CFAP77: variants seen among roughly 807,000 people sequenced by gnomAD.
The protein encoded by CFAP77 is cilia and flagella associated protein 77.
CFAP77 carries 25 observed loss-of-function variants against 31.1 expected under a neutral mutation model. That is an observed-to-expected ratio of 0.80 (90% CI 0.59 to 1.12). The LOEUF is 1.12. Ranked by LOEUF, CFAP77 falls within the 50% of genes most tolerant of loss-of-function variation. The pLI is 0.00. For missense variants in CFAP77, 377 were observed against 397.3 expected, an observed-to-expected ratio of 0.95 and a Z score of 0.44; for synonymous variants, 151 against 159.9, an observed-to-expected ratio of 0.94 and a Z score of 0.42.
At position 132,495,495 on chromosome 9, in the gene CFAP77, C is replaced by T. The variant is rs113668143; in HGVS notation, c.196-3200C>T. 0.023 allele frequency among the ~76,000 whole-genome samples: 3,462 copies of T among 152,220 alleles called. 112 individuals carry two copies. Among genetic ancestry groups the T allele is most frequent in the African/African-American group, 0.08 (3,305 of 41,504 alleles). ...AGAGCTTTGTCTGTAACTCAGAGAGCATAGTATGGAAGGAATTCAAAACAA... is the reference window on the plus strand; with the variant it reads ...AGAGCTTTGTCTGTAACTCAGAGAGTATAGTATGGAAGGAATTCAAAACAA... On this transcript the variant is annotated intron_variant, in intron 1 of 5. Coordinates refer to ENST00000393216, the MANE Select transcript of CFAP77 (RefSeq NM_001282957.2). The surrounding 1 kb of genome is among the most constrained non-coding windows in gnomAD (Gnocchi z 4.2).
Position 132,499,279 on chromosome 9 carries a change from G to T in CFAP77, c.296-93G>T. ...AGGCTCAGGTAAATGGGAAGGCCGA[G>T]GACCCGCGTGCCCCCATTTCTTCTC... is the stretch of plus-strand genomic sequence containing the variant. On this transcript the variant is annotated intron_variant, in intron 2 of 5. Coordinates refer to ENST00000393216, the MANE Select transcript of CFAP77 (RefSeq NM_001282957.2). This position sits in a 1 kb window ranked among gnomAD's most constrained non-coding sequence, Gnocchi z 5.4. 2 of 1,128,416 alleles carry T rather than the reference G, an allele frequency of 1.8e-6. No homozygotes were observed. Among genetic ancestry groups the T allele is most frequent in the Non-Finnish European group, 2.6e-6 (2 of 775,554 alleles). 69.9% of individuals were successfully genotyped at this position (1,128,416 alleles called of 1,614,324 possible). A position where few individuals can be genotyped will look rare whatever the true frequency, so the allele number is the denominator to read the frequency against.
chr9:132,463,566 T>C (rs1249759252), intron 1 of CFAP77, among the ~76,000 whole-genome samples: 3 of 152,044 alleles, frequency 2.0e-5, no homozygotes. Flanking sequence ...TTACTCACAG[T>C]AGAGGAGGGA....
chr9:132,563,852 C>G (rs1227395951), intron 5 of CFAP77, among the ~76,000 whole-genome samples: 1 of 152,202 alleles, frequency 6.6e-6, no homozygotes, highest in Non-Finnish European at 1.5e-5. Context: ...TGATGATGCG[C>G]TGGGTTGAGC....
chr9:132,537,572 C>T (rs1249063507), intron 3 of CFAP77, 29 bp from the exon 4 acceptor site: 1 of 1,573,546 alleles, frequency 6.4e-7, no homozygotes, highest in Admixed American at 1.8e-5. Context: ...TCCGGGGCCT[C>T]AAGCTCTGTC....
intron 4 of CFAP77, 151 bp downstream of exon 4, chr9:132,537,857 A>C: frequency 1.6e-6 from 1 of 637,204 alleles, no homozygotes. Context: ...AGCATCAGAG[A>C]ATCTACAGCT....
chr9:132,471,693 T>TTTTGC (rs1851262247), intron 1 of CFAP77, among the ~76,000 whole-genome samples: 1 of 149,190 alleles, frequency 6.7e-6, no homozygotes, highest in Non-Finnish European at 1.5e-5. Flanking sequence ...GTTGTTTTTG[T>TTTTGC]TTTGTTTTGT....
Position 132,490,581 on chromosome 9 carries a change from G to T in CFAP77, c.196-8114G>T, listed in dbSNP as rs963538983. Among the ~76,000 whole-genome samples the T allele has an allele frequency of 1.3e-5, 2 of 152,192 alleles. No individual in the cohort carries two copies. Among genetic ancestry groups the T allele is most frequent in the Non-Finnish European group, 2.9e-5 (2 of 68,020 alleles). On this transcript the variant is annotated intron_variant, in intron 1 of 5. Coordinates refer to ENST00000393216, the MANE Select transcript of CFAP77 (RefSeq NM_001282957.2). The surrounding 1 kb of genome is among the most constrained non-coding windows in gnomAD (Gnocchi z 4.6). ...CTGGGGAGGGAGGCCAAGGGTCAGC[G>T]CTGGGCACTCCCACCTCTGGCTCCA...
chr9:132,494,486 C>T (rs1418843571), intron 1 of CFAP77, among the ~76,000 whole-genome samples: 1 of 152,146 alleles, frequency 6.6e-6, no homozygotes. Flanking sequence ...TTTTATCCAC[C>T]TACGATGGCC....
chr9:132,416,742 A>ATTC (rs1850108275), intron 1 of CFAP77, among the ~76,000 whole-genome samples: 1 of 149,984 alleles, frequency 6.7e-6, no homozygotes, highest in Admixed American at 6.7e-5. Context: ...GGTTCAAGTG[A>ATTC]TTCTCCTGCC....
intron 1 of CFAP77, among the ~76,000 whole-genome samples, chr9:132,420,666 C>T (rs372728214): frequency 7.8e-6 from 1 of 127,950 alleles, no homozygotes; most frequent in Non-Finnish European, 1.7e-5. Context: ...GACTCTGTCT[C>T]AAAAAAAAAA....
chr9:132,572,603 T>C lies in CFAP77; in HGVS notation c.*93T>C. Reference sequence around the variant, plus strand: ...TTGCCCCAACCCTGACATTCCCCCATTTTTATGCAGGTTCTGCTTCAAGGA... The same window carrying C: ...TTGCCCCAACCCTGACATTCCCCCACTTTTATGCAGGTTCTGCTTCAAGGA... On this transcript the variant is annotated 3_prime_UTR_variant, in exon 6 of 6. Coordinates refer to ENST00000393216, the MANE Select transcript of CFAP77 (RefSeq NM_001282957.2). 7.9e-7 allele frequency: 1 copy of C among 1,268,422 alleles called. No individual in the cohort carries two copies. Among genetic ancestry groups the C allele is most frequent in the Non-Finnish European group, 1.1e-6 (1 of 928,474 alleles). 78.6% of individuals were successfully genotyped at this position (1,268,422 alleles called of 1,614,324 possible). A position where few individuals can be genotyped will look rare whatever the true frequency, so the allele number is the denominator to read the frequency against.
chr9:132,562,933 C>T (rs773819728), intron 5 of CFAP77, among the ~76,000 whole-genome samples: 3 of 152,128 alleles, frequency 2.0e-5, no homozygotes, highest in East Asian at 1.9e-4. Flanking sequence ...CTCCTGACCT[C>T]GTGATCTGCC....
chr9:132,410,479 C>G lies in CFAP77; in HGVS notation c.195+13C>G, dbSNP rs569886357. ...TCTCATCGTCAAGGTGAGCACCCCA[C>G]GCCCACCGCGCTTTCGCTGTCGCCG... On this transcript the variant is annotated intron_variant, in intron 1 of 5. Coordinates refer to ENST00000393216, the MANE Select transcript of CFAP77 (RefSeq NM_001282957.2). The G allele has an allele frequency of 2.4e-5, 37 of 1,544,740 alleles. No individual in the cohort carries two copies. Among genetic ancestry groups the G allele is most frequent in the Middle Eastern group, 3.5e-4 (2 of 5,770 alleles).
chr9:132,492,997 C>A (rs1050793781), intron 1 of CFAP77, among the ~76,000 whole-genome samples: 4 of 152,186 alleles, frequency 2.6e-5, no homozygotes, highest in African/African-American at 9.6e-5. Context: ...CACAGCCATG[C>A]TCATTTGATC....
intron 3 of CFAP77, among the ~76,000 whole-genome samples, chr9:132,522,002 C>T (rs944808): frequency 0.44 from 66,822 of 151,784 alleles, 15,331 homozygotes; most frequent in East Asian, 0.77. Flanking sequence ...CCTCAAGTGA[C>T]CCACCTGCCT....
At chr9:132,473,278 C>T (rs374958916) in intron 1 of CFAP77, among the ~76,000 whole-genome samples, 2 of 152,164 alleles carry the variant, frequency 1.3e-5, no homozygotes, top group African/African-American at 4.8e-5. Flanking sequence ...CTTGGGGGAG[C>T]AACCATCCAA....
intron 1 of CFAP77, among the ~76,000 whole-genome samples, chr9:132,439,979 G>A (rs527886768): frequency 2.2e-4 from 34 of 151,730 alleles, no homozygotes; most frequent in Middle Eastern, 3.4e-3. Context: ...CATTCTTATC[G>A]TAGATCATCA....
intron 1 of CFAP77, among the ~76,000 whole-genome samples, chr9:132,411,803 C>T (rs141315640): frequency 4.3e-4 from 65 of 151,906 alleles, no homozygotes; most frequent in Admixed American, 2.9e-3. Flanking sequence ...AAAGTGAGGG[C>T]GTATGGAGTT....
intron 1 of CFAP77, among the ~76,000 whole-genome samples, chr9:132,461,644 C>T (rs1338529151): frequency 6.6e-6 from 1 of 152,138 alleles, no homozygotes; most frequent in African/African-American, 2.4e-5. Context: ...GGGAAGACTG[C>T]GGGGGTTTGT....
Sources: allele counts gnomAD v4.1 joint callset (sites outside exome capture counted in the v4.1 genomes callset), GRCh38; gene constraint gnomAD v4.1.1; non-coding constraint Gnocchi (gnomAD v3.1); transcripts MANE v1.5; gene names NCBI Gene and HGNC (gene_info 2026-07-23, HGNC 2026-07-21).